Variants in EXOC4 observed in about 807,000 individuals in gnomAD.
The protein encoded by EXOC4 is SEC8-like 1.
A neutral mutation model predicts 107.2 loss-of-function variants in EXOC4; 71 were observed. The observed-to-expected ratio is 0.66, with a 90% CI of 0.55 to 0.81. The LOEUF is 0.81. EXOC4 is among the 30% of genes least tolerant of loss of function. The pLI is 0.00. For missense variants in EXOC4, 1,108 were observed against 1,189.6 expected, an observed-to-expected ratio of 0.93 and a Z score of 1.01; for synonymous variants, 456 against 441.2, an observed-to-expected ratio of 1.03 and a Z score of -0.42.
chr7:133,681,903 A>G (rs536301526), intron 10 of EXOC4, among the ~76,000 whole-genome samples: 2 of 151,694 alleles, frequency 1.3e-5, no homozygotes, highest in South Asian at 2.1e-4. Flanking sequence ...ATTGGTAGCC[A>G]TTATTATTAT....
chr7:133,844,378 C>CTTTTTTTTTTTTTTTTTTTTTTTTTTTTT (rs761535651), intron 11 of EXOC4, among the ~76,000 whole-genome samples: 1 of 83,346 alleles, frequency 1.2e-5, no homozygotes, highest in African/African-American at 5.8e-5. Context: ...CCACATATTC[C>CTTTTTTTTTTTTTTTTTTTTTTTTTTTTT]TTTTTTTTTT....
intron 5 of EXOC4, among the ~76,000 whole-genome samples, chr7:133,326,226 A>G (rs993650984): frequency 1.3e-5 from 2 of 152,330 alleles, no homozygotes; most frequent in African/African-American, 4.8e-5. Context: ...GTCATTCTCC[A>G]TCCAGCTTTG....
At chr7:133,387,082 G>A (rs1483039310) in intron 7 of EXOC4, among the ~76,000 whole-genome samples, 2 of 152,082 alleles carry the variant, frequency 1.3e-5, no homozygotes, top group African/African-American at 4.8e-5. Flanking sequence ...CAATTAGAAT[G>A]GCCTGTGGAC....
intron 17 of EXOC4, among the ~76,000 whole-genome samples, chr7:134,040,124 G>A (rs1795480509): frequency 6.6e-6 from 1 of 152,142 alleles, no homozygotes; most frequent in South Asian, 2.1e-4. Context: ...CAGTCCCACA[G>A]CTGATGTTCA....
intron 7 of EXOC4, among the ~76,000 whole-genome samples, chr7:133,457,815 A>G (rs1038108826): frequency 6.6e-6 from 1 of 152,162 alleles, no homozygotes; most frequent in Non-Finnish European, 1.5e-5. Context: ...GGATTTCTTT[A>G]AACCTTAGGT....
At position 133,895,620 on chromosome 7, in the gene EXOC4, A is replaced by G; in HGVS notation, c.1756A>G (p.Thr586Ala). ...CCAGAGCACAATCATTGTGGAGAAG[A>G]CAGTTCAAGACCTCCTGAACCTGAT... ...LLQSTIIVEK[T>A]VQDLLNLMHD... The change falls in exon 12 of 18, where the codon ACA (threonine) becomes GCA (alanine). Residue 586 changes from threonine (T) to alanine (A), a missense_variant. By Grantham distance (58) the Thr-to-Ala change is moderately conservative. Coordinates refer to ENST00000253861, the MANE Select transcript of EXOC4 (RefSeq NM_021807.4). 6.2e-7 allele frequency: 1 copy of G among 1,614,070 alleles called. No individual in the cohort carries two copies.
chr7:133,768,992 G>A (rs1027214733), intron 10 of EXOC4, among the ~76,000 whole-genome samples: 3 of 151,998 alleles, frequency 2.0e-5, no homozygotes, highest in South Asian at 4.1e-4. Context: ...AGGGAAGGAT[G>A]TCCTATGTGC....
At chr7:134,059,736 G>C (rs1198494808) in intron 17 of EXOC4, among the ~76,000 whole-genome samples, 7 of 152,134 alleles carry the variant, frequency 4.6e-5, no homozygotes, top group Non-Finnish European at 8.8e-5. Flanking sequence ...CTATAAGAAA[G>C]AAATTGGCTA....
intron 9 of EXOC4, among the ~76,000 whole-genome samples, chr7:133,563,021 AT>A (rs1411737010): frequency 6.6e-6 from 1 of 152,152 alleles, no homozygotes; most frequent in South Asian, 2.1e-4. Context: ...TTTCAGTGAC[AT>A]TTTTTATTTA....
At chr7:133,459,967 G>A (rs1292588474) in intron 7 of EXOC4, among the ~76,000 whole-genome samples, 1 of 152,098 alleles carries the variant, frequency 6.6e-6, no homozygotes, top group Admixed American at 6.5e-5. Context: ...AAAAGAAATA[G>A]GAAAGCCAAT....
At chr7:133,534,766 G>A (rs943768349) in intron 9 of EXOC4, among the ~76,000 whole-genome samples, 1 of 152,142 alleles carries the variant, frequency 6.6e-6, no homozygotes, top group African/African-American at 2.4e-5. Flanking sequence ...AACATAAACA[G>A]CATATTTTCC....
At chr7:133,663,146 A>G (rs546505827) in intron 10 of EXOC4, among the ~76,000 whole-genome samples, 15 of 152,104 alleles carry the variant, frequency 9.9e-5, no homozygotes, top group Non-Finnish European at 1.9e-4. Context: ...AAATCCATCT[A>G]TAGTATTTGA....
At position 133,779,700 on chromosome 7, in the gene EXOC4, G is replaced by A. The variant is rs563286828; in HGVS notation, c.1515-37625G>A. On this transcript the variant is annotated intron_variant, in intron 10 of 17. Transcript: ENST00000253861. Reference sequence around the variant, plus strand: ...GCACCAATCAGTGCTCTGTAAAAACGCACCAATCAGCGCTCTGTAGCTAGC... The same window carrying A: ...GCACCAATCAGTGCTCTGTAAAAACACACCAATCAGCGCTCTGTAGCTAGC... Among the ~76,000 whole-genome samples, 6 of 151,804 alleles carry A rather than the reference G, an allele frequency of 4.0e-5. No individual in the cohort carries two copies. In the East Asian group the frequency reaches 7.7e-4, roughly 20 times the overall value.
chr7:134,067,550 G>T (rs1409203610), downstream of EXOC4, among the ~76,000 whole-genome samples: 2 of 151,274 alleles, frequency 1.3e-5, no homozygotes, highest in Admixed American at 6.6e-5. Flanking sequence ...ACTACTGAAA[G>T]AATCTCTTTC....
chr7:133,473,080 T>G (rs1029663957), intron 7 of EXOC4, among the ~76,000 whole-genome samples: 1 of 152,206 alleles, frequency 6.6e-6, no homozygotes. Context: ...TATACATCTT[T>G]CTGTGTTATA....
intron 9 of EXOC4, among the ~76,000 whole-genome samples, chr7:133,505,988 T>G (rs1372702661): frequency 6.6e-6 from 1 of 152,172 alleles, no homozygotes; most frequent in Non-Finnish European, 1.5e-5. Flanking sequence ...CTTTTTGTTA[T>G]GTTCAATGGA....
At chr7:133,365,426 A>G (rs1796230541) in intron 6 of EXOC4, among the ~76,000 whole-genome samples, 2 of 152,180 alleles carry the variant, frequency 1.3e-5, no homozygotes. Context: ...TTTAGCCACA[A>G]ATTTGGCATA....
chr7:133,343,698 G>A (rs1471309104), intron 5 of EXOC4, among the ~76,000 whole-genome samples: 1 of 149,612 alleles, frequency 6.7e-6, no homozygotes, highest in Non-Finnish European at 1.5e-5. Context: ...GTGGCTTTTC[G>A]CATCCCTCAT....
In EXOC4 at chr7:133,281,215, C is replaced by T. The variant is rs147425724; in HGVS notation, c.276+6044C>T. Among the ~76,000 whole-genome samples, 318 of 152,072 alleles carry T rather than the reference C, an allele frequency of 2.1e-3. 2 individuals are homozygous for T. The highest frequency in any genetic ancestry group is 7.3e-3 in the African/African-American group (301 of 41,492). On this transcript the variant is annotated intron_variant, in intron 2 of 17. Coordinates refer to ENST00000253861, the MANE Select transcript of EXOC4 (RefSeq NM_021807.4). ...AACAATGAGTGGTATTTCCAAGGTTCGTTCTTTCCAGGTGCTTTCTAACTA... is the reference window on the plus strand; with the variant it reads ...AACAATGAGTGGTATTTCCAAGGTTTGTTCTTTCCAGGTGCTTTCTAACTA...
Sources: allele counts gnomAD v4.1 joint callset (sites outside exome capture counted in the v4.1 genomes callset), GRCh38; gene constraint gnomAD v4.1.1; transcripts MANE v1.5; gene names NCBI Gene and HGNC (gene_info 2026-07-23, HGNC 2026-07-21).